Variants in SNTG1 observed in about 807,000 individuals in gnomAD.
SNTG1 encodes syntrophin gamma 1, also known as gamma-1-syntrophin.
A neutral mutation model predicts 74.7 loss-of-function variants in SNTG1; 39 were observed. That is an observed-to-expected ratio of 0.52 (90% confidence interval 0.40 to 0.68). SNTG1 has a LOEUF of 0.68. Among genes scored for constraint, SNTG1 ranks in the 30% least tolerant of loss-of-function variants. The probability of loss-of-function intolerance (pLI) is 0.00; values close to 1 mark genes in which losing one functional copy is unlikely to be tolerated. For synonymous variants in SNTG1, 254 were observed against 217.1 expected, an observed-to-expected ratio of 1.17 and a Z score of -1.49; for missense variants, 685 against 609.5, an observed-to-expected ratio of 1.12 and a Z score of -1.30.
intron 8 of SNTG1, among the ~76,000 whole-genome samples, chr8:50,494,113 G>GTA (rs1252403440): frequency 3.4e-5 from 5 of 148,110 alleles, no homozygotes; most frequent in African/African-American, 1.0e-4. Flanking sequence ...ATGTATATAT[G>GTA]TATATATACA....
chr8:49,957,605 G>A (rs770331045), intron 1 of SNTG1, among the ~76,000 whole-genome samples: 5 of 152,132 alleles, frequency 3.3e-5, no homozygotes, highest in Admixed American at 6.5e-5. Context: ...GAGAACCCTC[G>A]ATTACTTGAT....
intron 1 of SNTG1, among the ~76,000 whole-genome samples, chr8:50,169,035 C>A (rs755591406): frequency 2.0e-4 from 31 of 152,124 alleles, no homozygotes; most frequent in African/African-American, 7.5e-4. Context: ...AATAATACGC[C>A]AGGCAGAGTG....
chr8:50,659,582 T>G (rs1357161902), intron 15 of SNTG1, among the ~76,000 whole-genome samples: 1 of 152,216 alleles, frequency 6.6e-6, no homozygotes, highest in Non-Finnish European at 1.5e-5. Context: ...TTTCTGTTCC[T>G]TATAGAGAAC....
chr8:49,920,714 T>C (rs987154294), intron 1 of SNTG1, among the ~76,000 whole-genome samples: 2 of 151,968 alleles, frequency 1.3e-5, no homozygotes, highest in Non-Finnish European at 2.9e-5. Context: ...TTGGACAGCA[T>C]AATCACATGT....
chr8:50,560,306 G>T (rs1049539783), intron 12 of SNTG1, among the ~76,000 whole-genome samples: 1 of 152,206 alleles, frequency 6.6e-6, no homozygotes, highest in Non-Finnish European at 1.5e-5. Context: ...GGAAGAGAGT[G>T]TGGTGATTCC....
chr8:50,123,202 A>G (rs1170730625), intron 1 of SNTG1, among the ~76,000 whole-genome samples: 1 of 143,212 alleles, frequency 7.0e-6, no homozygotes, highest in African/African-American at 2.5e-5. Flanking sequence ...CAGAATGTAC[A>G]TAAATACAGA....
chr8:50,161,643 T>C (rs889355962), intron 1 of SNTG1, among the ~76,000 whole-genome samples: 2 of 152,148 alleles, frequency 1.3e-5, no homozygotes, highest in Non-Finnish European at 1.5e-5. Context: ...GAGAAATCTC[T>C]GGCCTAGAGA....
At chr8:49,973,124 A>G (rs1036112652) in intron 1 of SNTG1, among the ~76,000 whole-genome samples, 1 of 152,182 alleles carries the variant, frequency 6.6e-6, no homozygotes, top group Non-Finnish European at 1.5e-5. Context: ...CAAATGTCCA[A>G]CAATGATAGA....
rs58361657 is a variant in SNTG1 at position 50,678,134 on chromosome 8, T to A, written c.1038+19471T>A. Among the ~76,000 whole-genome samples, 10 of 151,794 alleles carry A rather than the reference T, an allele frequency of 6.6e-5. No homozygotes were observed. The East Asian group carries it at 9.7e-4, about 15-fold the overall frequency. On this transcript the variant is annotated intron_variant, in intron 15 of 18. Transcript: ENST00000642720. ...GAAAAAAAGAAAGAAAAGAAAAGAA[T>A]AATAATAATAGTGTTCTTGCTATTT...
In SNTG1 at chr8:50,314,131, T is replaced by C. The variant is rs191090739; in HGVS notation, c.-27-80081T>C. 2.0e-5 allele frequency among the ~76,000 whole-genome samples: 3 copies of C among 149,860 alleles called. 1 individual carries two copies. The highest frequency in any genetic ancestry group is 7.5e-5 in the African/African-American group (3 of 40,232). ...CATCCAGTCATCCCCTCTAGGCCCCTTCAGTGGACAGTTACTTATTAAAAC... is the reference window on the plus strand; with the variant it reads ...CATCCAGTCATCCCCTCTAGGCCCCCTCAGTGGACAGTTACTTATTAAAAC... On this transcript the variant is annotated intron_variant, in intron 2 of 18. Transcript: ENST00000642720.
intron 9 of SNTG1, among the ~76,000 whole-genome samples, chr8:50,504,161 C>A (rs530490579): frequency 6.6e-5 from 10 of 152,126 alleles, no homozygotes; most frequent in Non-Finnish European, 1.2e-4. Context: ...CATGTCCCTG[C>A]AGTGGACATG....
chr8:50,061,731 T>C (rs1820490002), intron 1 of SNTG1, among the ~76,000 whole-genome samples: 1 of 152,212 alleles, frequency 6.6e-6, no homozygotes, highest in Non-Finnish European at 1.5e-5. Flanking sequence ...TCCTTTATCA[T>C]CTTGCATTAT....
At position 50,545,664 on chromosome 8, in the gene SNTG1, T is replaced by C. The variant is rs7813627; in HGVS notation, c.681-7386T>C. ...GAATTATCATCTACTGCATGCTTTT[T>C]AAACACTATGAAAATCGATAATATT... On this transcript the variant is annotated intron_variant, in intron 11 of 18. Coordinates refer to ENST00000642720, the MANE Select transcript of SNTG1 (RefSeq NM_018967.5). Among the ~76,000 whole-genome samples the C allele has an allele frequency of 7.1e-3, 1,073 of 152,122 alleles. 12 individuals are homozygous for C. The highest frequency in any genetic ancestry group is 0.024 in the African/African-American group (1,016 of 41,520).
rs1344020045 is a variant in SNTG1 at position 50,315,223 on chromosome 8, T to C, written c.-27-78989T>C. Reference sequence around the variant, plus strand: ...ATTTATCTTCAGTTTGTTATGTCTATGGTGCAGCGTTCAATGCAATTCAAT... The same window carrying C: ...ATTTATCTTCAGTTTGTTATGTCTACGGTGCAGCGTTCAATGCAATTCAAT... On this transcript the variant is annotated intron_variant, in intron 2 of 18. Transcript: ENST00000642720. 1.5e-4 allele frequency among the ~76,000 whole-genome samples: 22 copies of C among 149,712 alleles called. 1 individual carries two copies. Among genetic ancestry groups the C allele is most frequent in the Non-Finnish European group, 7.4e-5 (5 of 67,938 alleles).
chr8:49,929,506 G>A (rs1382508877), intron 1 of SNTG1, among the ~76,000 whole-genome samples: 1 of 152,154 alleles, frequency 6.6e-6, no homozygotes, highest in Non-Finnish European at 1.5e-5. Context: ...CTTTTGTGAG[G>A]TAATCTGTGC....
At chr8:50,384,354 A>T (rs915196792) in intron 2 of SNTG1, among the ~76,000 whole-genome samples, 3 of 152,234 alleles carry the variant, frequency 2.0e-5, no homozygotes, top group Non-Finnish European at 4.4e-5. Context: ...TGTATGGAAT[A>T]TGATGACAGT....
Position 50,752,122 on chromosome 8 carries a change from G to T in SNTG1, c.1395+11G>T. 1 of 1,455,168 alleles carries T rather than the reference G, an allele frequency of 6.9e-7. No individual in the cohort carries two copies. The highest frequency in any genetic ancestry group is 9.2e-7 in the Non-Finnish European group (1 of 1,084,228). The allele number at this position is 1,455,168 out of a possible 1,614,324, so 90.1% of individuals were successfully genotyped here. On this transcript the variant is annotated intron_variant, in intron 18 of 18. Coordinates refer to ENST00000642720, the MANE Select transcript of SNTG1 (RefSeq NM_018967.5). ...CAGATTGAAGCAAAGGTAAACCCAA[G>T]AAATTCATCACATAACACCTCTAAC...
chr8:50,086,709 G>A (rs1278456613), intron 1 of SNTG1, among the ~76,000 whole-genome samples: 1 of 152,026 alleles, frequency 6.6e-6, no homozygotes, highest in Non-Finnish European at 1.5e-5. Context: ...CTAGAGACAT[G>A]GATTTCTGTG....
At chr8:50,442,234 A>C (rs1291374338) in intron 5 of SNTG1, among the ~76,000 whole-genome samples, 1 of 152,166 alleles carries the variant, frequency 6.6e-6, no homozygotes, top group African/African-American at 2.4e-5. Context: ...TTCTTGTCTC[A>C]TTCTACAGTT....
Sources: gnomAD v4.1 joint callset for allele counts (sites outside exome capture counted in the v4.1 genomes callset) on GRCh38, gnomAD v4.1.1 for gene constraint, MANE v1.5 for transcripts, NCBI Gene and HGNC (gene_info 2026-07-23, HGNC 2026-07-21) for gene names.